Variants in FAM171A1 observed in about 807,000 individuals in gnomAD.
The protein encoded by FAM171A1 is protein FAM171A1.
A neutral mutation model predicts 74.9 loss-of-function variants in FAM171A1; 23 were observed. That is an observed-to-expected ratio of 0.31 (90% confidence interval 0.22 to 0.44). The LOEUF is 0.44. Among genes scored for constraint, FAM171A1 ranks in the 20% least tolerant of loss-of-function variants. FAM171A1 has a pLI of 1.00. For missense variants in FAM171A1, 1,162 were observed against 1,159.2 expected (o/e 1.00, Z -0.03); for synonymous variants, 527 against 505.7 (o/e 1.04, Z -0.57).
intron 1 of FAM171A1, among the ~76,000 whole-genome samples, chr10:15,291,038 C>A (rs1036374290): frequency 1.3e-5 from 2 of 152,128 alleles, no homozygotes; most frequent in Admixed American, 1.3e-4. Flanking sequence ...TTTGTAGAGA[C>A]AGGGTTTTGC....
rs1835585311 is a variant in FAM171A1 at position 15,328,470 on chromosome 10, T to C, written c.97+42486A>G. ...CCTGTTGTTGTTTTAAATCAGGAAC[T>C]GAGCTATTTTGAACAAGATGCCTTG... On this transcript the variant is annotated intron_variant, in intron 1 of 7. Coordinates refer to ENST00000378116, the MANE Select transcript of FAM171A1 (RefSeq NM_001010924.2). Among the ~76,000 whole-genome samples the C allele has an allele frequency of 3.3e-5, 5 of 152,298 alleles. No individual in the cohort carries two copies. The South Asian group carries it at 1.0e-3, about 32-fold the overall frequency.
chr10:15,283,903 G>C lies in FAM171A1; in HGVS notation c.300C>G (p.Ala100=), dbSNP rs762853500. The part of the protein sequence containing the change: ...ASKHAYVPNS[A]PWKPIRLPVF... ...CAGGTAACCGGATTGGCTTCCATGG[G>C]GCAGAGTTTGGCACGTAGGCATGCT... is the stretch of plus-strand genomic sequence containing the variant. The change falls in exon 2 of 8, where the codon GCC becomes GCG. Residue 100 remains alanine, a synonymous_variant. Coordinates refer to ENST00000378116, the MANE Select transcript of FAM171A1 (RefSeq NM_001010924.2). The C allele has an allele frequency of 6.2e-7, 1 of 1,614,158 alleles. No individual in the cohort carries two copies. The highest frequency in any genetic ancestry group is 8.5e-7 in the Non-Finnish European group (1 of 1,180,024).
chr10:15,324,339 C>T (rs1020028461), intron 1 of FAM171A1, among the ~76,000 whole-genome samples: 1 of 152,174 alleles, frequency 6.6e-6, no homozygotes, highest in African/African-American at 2.4e-5. Context: ...CCAGGCAATG[C>T]AGGTCCTTCC....
intron 1 of FAM171A1, among the ~76,000 whole-genome samples, chr10:15,357,748 G>C (rs1422273207): frequency 1.3e-5 from 2 of 152,166 alleles, no homozygotes; most frequent in Non-Finnish European, 2.9e-5. Flanking sequence ...ATGGATAGAA[G>C]GATGAATAAA....
intron 1 of FAM171A1, among the ~76,000 whole-genome samples, chr10:15,350,990 A>G (rs146661034): frequency 6.6e-6 from 1 of 152,180 alleles, no homozygotes; most frequent in African/African-American, 2.4e-5. Flanking sequence ...CCAGCTCAAA[A>G]GTCACTGCCC....
At chr10:15,223,347 C>G (rs779360175) in intron 5 of FAM171A1, among the ~76,000 whole-genome samples, 5 of 152,206 alleles carry the variant, frequency 3.3e-5, no homozygotes, top group African/African-American at 9.6e-5. Context: ...TACAGTGATG[C>G]TCTCAGCCTC....
chr10:15,341,926 T>C (rs1467279427), intron 1 of FAM171A1, among the ~76,000 whole-genome samples: 1 of 152,192 alleles, frequency 6.6e-6, no homozygotes, highest in Admixed American at 6.5e-5. Context: ...ACGACGGCAG[T>C]CTGCCATGGC....
Position 15,213,089 on chromosome 10 carries a change from C to T in FAM171A1, c.2499G>A (p.Glu833=), listed in dbSNP as rs1833913299. The change falls in exon 8 of 8, where the codon GAG becomes GAA. Residue 833 remains glutamate, a synonymous_variant. Coordinates refer to ENST00000378116, the MANE Select transcript of FAM171A1 (RefSeq NM_001010924.2). This position sits in a 1 kb window ranked among gnomAD's most constrained non-coding sequence, Gnocchi z 6.8. The part of the protein sequence containing the change: ...RSGGQLPSLQ[E]ETTRRTADAP... ...CATCCGCAGTCCGTCTGGTCGTCTC[C>T]TCCTGCAGGCTGGGCAGCTGGCCAC... 1.2e-6 allele frequency: 2 copies of T among 1,613,550 alleles called. No individual in the cohort carries two copies. The highest frequency in any genetic ancestry group is 1.7e-6 in the Non-Finnish European group (2 of 1,179,802).
At chr10:15,295,680 T>C (rs576405155) in intron 1 of FAM171A1, among the ~76,000 whole-genome samples, 1 of 152,322 alleles carries the variant, frequency 6.6e-6, no homozygotes, top group African/African-American at 2.4e-5. Context: ...CTCACCCTAG[T>C]AGTGGGGAAC....
At chr10:15,335,793 T>C (rs1266667570) in intron 1 of FAM171A1, among the ~76,000 whole-genome samples, 1 of 152,120 alleles carries the variant, frequency 6.6e-6, no homozygotes, top group African/African-American at 2.4e-5. Flanking sequence ...TCCATGAAAA[T>C]GGAGTAAAAA....
intron 7 of FAM171A1, 35 bp downstream of exon 7, chr10:15,215,961 T>A: frequency 7.1e-7 from 1 of 1,412,426 alleles, no homozygotes; most frequent in Non-Finnish European, 9.7e-7. Context: ...AAACTGTGAA[T>A]TAAAAAAGAT....
At chr10:15,307,590 G>A (rs1190977538) in intron 1 of FAM171A1, among the ~76,000 whole-genome samples, 1 of 142,852 alleles carries the variant, frequency 7.0e-6, no homozygotes, top group Non-Finnish European at 1.5e-5. Context: ...AGGTTGCAGT[G>A]AGCCGAGATT....
chr10:15,285,706 T>G (rs1835027679), intron 1 of FAM171A1, among the ~76,000 whole-genome samples: 1 of 152,186 alleles, frequency 6.6e-6, no homozygotes, highest in Non-Finnish European at 1.5e-5. Context: ...TTGAGCTGCC[T>G]CTGATCTGAA....
chr10:15,269,567 G>A (rs919692347), intron 3 of FAM171A1, among the ~76,000 whole-genome samples: 3 of 152,160 alleles, frequency 2.0e-5, no homozygotes, highest in African/African-American at 7.2e-5. Context: ...GCAAGATCAT[G>A]TTTACAGACA....
intron 1 of FAM171A1, among the ~76,000 whole-genome samples, chr10:15,339,072 T>A (rs763024466): frequency 1.1e-4 from 16 of 152,198 alleles, no homozygotes; most frequent in Non-Finnish European, 1.6e-4. Context: ...CTGCTAAGGT[T>A]AAGTTTTTTA....
chr10:15,271,898 A>G (rs1834829757), intron 3 of FAM171A1, among the ~76,000 whole-genome samples: 1 of 152,220 alleles, frequency 6.6e-6, no homozygotes, highest in Non-Finnish European at 1.5e-5. Flanking sequence ...TAAACATGGA[A>G]AGGAACAACC....
chr10:15,341,726 C>A (rs1383500131), intron 1 of FAM171A1, among the ~76,000 whole-genome samples: 2 of 152,208 alleles, frequency 1.3e-5, no homozygotes, highest in Non-Finnish European at 2.9e-5. Context: ...GATAAGCCTG[C>A]AGGGAAACCT....
chr10:15,228,810 G>A (rs1158758429), intron 5 of FAM171A1, among the ~76,000 whole-genome samples: 3 of 152,324 alleles, frequency 2.0e-5, no homozygotes, highest in South Asian at 2.1e-4. Context: ...AGTCGTGTGC[G>A]CTGAGGACAT....
chr10:15,237,198 C>T (rs934753868), intron 5 of FAM171A1, among the ~76,000 whole-genome samples: 1 of 152,034 alleles, frequency 6.6e-6, no homozygotes, highest in African/African-American at 2.4e-5. Flanking sequence ...TAAAATAAAA[C>T]CTCTACAACT....
Sources: allele counts gnomAD v4.1 joint callset (sites outside exome capture counted in the v4.1 genomes callset), GRCh38; gene constraint gnomAD v4.1.1; non-coding constraint Gnocchi (gnomAD v3.1); transcripts MANE v1.5; gene names NCBI Gene and HGNC (gene_info 2026-07-23, HGNC 2026-07-21).